The following BLTP3A variants were observed in gnomAD, a reference collection of about 807,000 sequenced individuals.
BLTP3A encodes the protein ICBP90 binding protein 1.
the BLTP3A span, among the ~76,000 whole-genome samples, chr6:34,795,578 T>A: frequency 6.7e-6 from 1 of 149,952 alleles, no homozygotes; most frequent in Non-Finnish European, 1.5e-5. Context: ...TTTTTTTTTT[T>A]TTTTAGTAGA....
chr6:34,871,787 T>G, the BLTP3A span: 3 of 1,612,656 alleles, frequency 1.9e-6, no homozygotes, highest in Non-Finnish European at 2.5e-6. Flanking sequence ...GGCAGCAGTT[T>G]GTCACTTAGA....
chr6:34,795,289 C>T, the BLTP3A span, among the ~76,000 whole-genome samples: 1 of 151,680 alleles, frequency 6.6e-6, no homozygotes, highest in Non-Finnish European at 1.5e-5. Flanking sequence ...CTATGTTGCC[C>T]ATGCTGGTCT....
At chr6:34,815,244 T>A in the BLTP3A span, among the ~76,000 whole-genome samples, 1 of 151,788 alleles carries the variant, frequency 6.6e-6, no homozygotes, top group South Asian at 2.1e-4. Flanking sequence ...TAAGTTGGTG[T>A]TTGTTTGTTT....
the BLTP3A span, chr6:34,871,071 A>C: frequency 3.7e-6 from 6 of 1,613,788 alleles, no homozygotes; most frequent in Non-Finnish European, 5.1e-6. Context: ...TCCCGGTGGT[A>C]GTCCCCATGC....
the BLTP3A span, chr6:34,859,446 G>A: frequency 1.9e-6 from 3 of 1,614,064 alleles, no homozygotes; most frequent in African/African-American, 4.0e-5. Context: ...ATGCCACCAA[G>A]GAGGCTCTAC....
At chr6:34,792,087 C>T in the BLTP3A span, 199 of 417,380 alleles carry the variant, frequency 4.8e-4, 1 homozygote, top group African/African-American at 4.8e-3. Flanking sequence ...GGGATCGTGG[C>T]GGAGCGCCAG....
the BLTP3A span, chr6:34,863,962 CA>C: frequency 6.5e-7 from 1 of 1,537,980 alleles, no homozygotes. Flanking sequence ...AACATGTCTC[CA>C]AAGCCACATT....
chr6:34,797,248 G>A, the BLTP3A span, among the ~76,000 whole-genome samples: 2 of 152,114 alleles, frequency 1.3e-5, no homozygotes, highest in African/African-American at 4.8e-5. Flanking sequence ...TTAAATGACC[G>A]CAGGAAATGT....
the BLTP3A span, chr6:34,864,039 C>T: frequency 6.2e-7 from 1 of 1,612,508 alleles, no homozygotes; most frequent in South Asian, 1.1e-5. Flanking sequence ...GGTGGCAGCC[C>T]CAGTGAGTGG....
chr6:34,857,484 C>G, the BLTP3A span: 5 of 1,612,856 alleles, frequency 3.1e-6, no homozygotes, highest in Admixed American at 8.4e-5. Context: ...AGCATCTAGG[C>G]TGGCTATTTT....
At chr6:34,842,705 G>A in the BLTP3A span, among the ~76,000 whole-genome samples, 1 of 151,926 alleles carries the variant, frequency 6.6e-6, no homozygotes, top group Non-Finnish European at 1.5e-5. Flanking sequence ...TTATTCCTTA[G>A]TACTTAGTTT....
the BLTP3A span, among the ~76,000 whole-genome samples, chr6:34,842,874 C>T: frequency 2.6e-5 from 4 of 152,168 alleles, no homozygotes; most frequent in Non-Finnish European, 5.9e-5. Context: ...TGGCTTGCAA[C>T]TGCCTGTTGC....
At chr6:34,795,174 C>T in the BLTP3A span, among the ~76,000 whole-genome samples, 2 of 151,752 alleles carry the variant, frequency 1.3e-5, no homozygotes, top group Non-Finnish European at 2.9e-5. Context: ...GCCTTGACCT[C>T]CCAGGCTCAA....
chr6:34,806,940 A>G, the BLTP3A span, among the ~76,000 whole-genome samples: 4 of 152,120 alleles, frequency 2.6e-5, no homozygotes, highest in Admixed American at 6.6e-5. Flanking sequence ...GATTACAGGC[A>G]TGACCCATTG....
chr6:34,828,307 C>T, the BLTP3A span, among the ~76,000 whole-genome samples: 54,961 of 151,540 alleles, frequency 0.36, 11,889 homozygotes, highest in African/African-American at 0.61. Flanking sequence ...AAAAATTAGC[C>T]GTGCATGGTG....
At chr6:34,870,179 G>A in the BLTP3A span, among the ~76,000 whole-genome samples, 63 of 152,086 alleles carry the variant, frequency 4.1e-4, no homozygotes, top group Non-Finnish European at 7.8e-4. Context: ...TGTTTTTCCA[G>A]TTTCAAATAG....
At chr6:34,865,076 A>G in the BLTP3A span, among the ~76,000 whole-genome samples, 29 of 152,176 alleles carry the variant, frequency 1.9e-4, no homozygotes, top group African/African-American at 6.8e-4. Flanking sequence ...ACACACACAT[A>G]CAGTGTGGGA....
At chr6:34,834,703 T>C in the BLTP3A span, 5 of 1,612,462 alleles carry the variant, frequency 3.1e-6, no homozygotes, top group East Asian at 6.7e-5. Context: ...TAAGGGATTG[T>C]ACTTTCTCTC....
chr6:34,869,672 G>T, the BLTP3A span, among the ~76,000 whole-genome samples: 1 of 91,276 alleles, frequency 1.1e-5, no homozygotes, highest in Non-Finnish European at 1.9e-5. Flanking sequence ...TTTTTTTGAG[G>T]CAGAGTCTTG....
Sources: gnomAD v4.1 joint callset for allele counts (sites outside exome capture counted in the v4.1 genomes callset) on GRCh38, gnomAD v4.1.1 for gene constraint, MANE v1.5 for transcripts, NCBI Gene and HGNC (gene_info 2026-07-23, HGNC 2026-07-21) for gene names.